Variants in KCNH5 observed in about 807,000 individuals in gnomAD.
KCNH5 encodes voltage-gated delayed rectifier potassium channel KCNH5.
In KCNH5, 46 loss-of-function variants were observed where a neutral mutation model predicts 96.1. The ratio of observed to expected loss-of-function variants is 0.48; its 90% CI spans 0.38 to 0.61. KCNH5 has a LOEUF of 0.61. Among genes scored for constraint, KCNH5 ranks in the 20% least tolerant of loss-of-function variants. KCNH5 has a pLI of 0.00. For synonymous variants in KCNH5, 439 were observed against 449.8 expected (o/e 0.98, Z 0.30); for missense variants, 907 against 1,225.8 (o/e 0.74, Z 3.88).
chr14:62,824,050 A>G (rs894097768), intron 8 of KCNH5, among the ~76,000 whole-genome samples: 3 of 152,124 alleles, frequency 2.0e-5, no homozygotes, highest in South Asian at 4.1e-4. Flanking sequence ...AAACATACAG[A>G]AAAACATCCA....
At chr14:63,012,392 T>C (rs1891245834) in intron 2 of KCNH5, among the ~76,000 whole-genome samples, 1 of 152,146 alleles carries the variant, frequency 6.6e-6, no homozygotes, top group Admixed American at 6.6e-5. Context: ...TCAGATATTT[T>C]CAGATAGGAA....
chr14:62,728,638 T>A (rs1403682752), intron 10 of KCNH5, among the ~76,000 whole-genome samples: 2 of 152,180 alleles, frequency 1.3e-5, no homozygotes, highest in Non-Finnish European at 2.9e-5. Flanking sequence ...GACATTCAAA[T>A]CGTCATTCAT....
intron 8 of KCNH5, among the ~76,000 whole-genome samples, chr14:62,842,196 T>A (rs1486058489): frequency 6.6e-6 from 1 of 152,222 alleles, no homozygotes; most frequent in Admixed American, 6.5e-5. Flanking sequence ...CTAAAAGCCA[T>A]GAAAACTAAT....
At chr14:62,986,233 T>C (rs947170759) in intron 5 of KCNH5, among the ~76,000 whole-genome samples, 1 of 152,206 alleles carries the variant, frequency 6.6e-6, no homozygotes, top group African/African-American at 2.4e-5. Context: ...GTAAAAACTA[T>C]GGACCTCTTC....
intron 10 of KCNH5, among the ~76,000 whole-genome samples, chr14:62,727,771 C>G (rs994366315): frequency 2.2e-5 from 3 of 135,848 alleles, no homozygotes; most frequent in Non-Finnish European, 4.7e-5. Context: ...TGCTTACAGT[C>G]TGGTAAAAAA....
At chr14:62,827,738 G>T (rs551549090) in intron 8 of KCNH5, among the ~76,000 whole-genome samples, 3 of 152,192 alleles carry the variant, frequency 2.0e-5, no homozygotes, top group African/African-American at 7.2e-5. Context: ...CTTTGAAGTT[G>T]ATTACAACAG....
At chr14:62,736,538 C>T (rs938054246) in intron 10 of KCNH5, among the ~76,000 whole-genome samples, 1 of 152,086 alleles carries the variant, frequency 6.6e-6, no homozygotes, top group African/African-American at 2.4e-5. Context: ...CCCAAGATAA[C>T]CTCCCTCCAG....
At chr14:62,751,635 T>C (rs568859322) in intron 10 of KCNH5, among the ~76,000 whole-genome samples, 3 of 152,208 alleles carry the variant, frequency 2.0e-5, no homozygotes, top group African/African-American at 7.2e-5. Flanking sequence ...ACACCCAGAT[T>C]TGGCTTTCCC....
chr14:62,871,518 G>A (rs1888253514), intron 7 of KCNH5, among the ~76,000 whole-genome samples: 1 of 152,140 alleles, frequency 6.6e-6, no homozygotes, highest in Non-Finnish European at 1.5e-5. Flanking sequence ...ACAAGGAAAT[G>A]TCTCATTTAC....
intron 4 of KCNH5, among the ~76,000 whole-genome samples, chr14:62,988,235 T>C (rs934817544): frequency 4.6e-5 from 7 of 152,202 alleles, no homozygotes; most frequent in African/African-American, 1.7e-4. Context: ...AAGCTCCAAT[T>C]CATTAAAAAA....
intron 8 of KCNH5, among the ~76,000 whole-genome samples, chr14:62,808,997 C>T (rs554395945): frequency 2.0e-5 from 3 of 152,140 alleles, no homozygotes; most frequent in South Asian, 2.1e-4. Flanking sequence ...AGAGCTGGAA[C>T]GTTCATGAAT....
chr14:63,004,259 G>A (rs1166668217), intron 3 of KCNH5, among the ~76,000 whole-genome samples: 1 of 152,118 alleles, frequency 6.6e-6, no homozygotes, highest in Non-Finnish European at 1.5e-5. Flanking sequence ...TTTAAAAGCT[G>A]CATTTAAATA....
chr14:62,918,325 G>T (rs796468914), intron 7 of KCNH5, among the ~76,000 whole-genome samples: 6 of 151,900 alleles, frequency 3.9e-5, no homozygotes, highest in African/African-American at 1.2e-4. Context: ...AGTACAGAAG[G>T]CCCCAAAAGC....
At position 62,867,683 on chromosome 14, in the gene KCNH5, A is replaced by G. The variant is rs932028886; in HGVS notation, c.1370-17831T>C. Among the ~76,000 whole-genome samples, 39 of 152,174 alleles carry G rather than the reference A, an allele frequency of 2.6e-4. 1 individual carries two copies. The highest frequency in any genetic ancestry group is 9.2e-4 in the African/African-American group (38 of 41,438). On this transcript the variant is annotated intron_variant, in intron 7 of 10. Coordinates refer to ENST00000322893, the MANE Select transcript of KCNH5 (RefSeq NM_139318.5). ...AAAGTTTCCAGGGGCTCTTATCACA[A>G]GTAGAATAAAACCAAAGGCTGCACA...
intron 7 of KCNH5, among the ~76,000 whole-genome samples, chr14:62,941,422 A>G (rs1889787831): frequency 6.6e-6 from 1 of 152,156 alleles, no homozygotes; most frequent in Admixed American, 6.5e-5. Flanking sequence ...ACTGGACTAC[A>G]CATCTGAGAC....
chr14:62,992,752 C>T (rs951661433), intron 4 of KCNH5, among the ~76,000 whole-genome samples: 3 of 151,954 alleles, frequency 2.0e-5, no homozygotes, highest in Admixed American at 2.0e-4. Flanking sequence ...ATACTTTCTT[C>T]CCTTCTTCAG....
chr14:62,890,511 C>T (rs1007236267), intron 7 of KCNH5, among the ~76,000 whole-genome samples: 8 of 150,162 alleles, frequency 5.3e-5, no homozygotes, highest in African/African-American at 1.5e-4. Flanking sequence ...CCGGCTAACA[C>T]GGTGAAACCC....
At chr14:62,754,839 C>A (rs570726984) in intron 10 of KCNH5, among the ~76,000 whole-genome samples, 6 of 151,406 alleles carry the variant, frequency 4.0e-5, no homozygotes, top group African/African-American at 1.5e-4. Flanking sequence ...TGCTCCACTG[C>A]GCTCCAGCCT....
At chr14:62,780,224 A>G (rs1187045247) in intron 9 of KCNH5, among the ~76,000 whole-genome samples, 1 of 152,186 alleles carries the variant, frequency 6.6e-6, no homozygotes, top group African/African-American at 2.4e-5. Flanking sequence ...AACTTTTCCT[A>G]TTTTGACCAG....
Sources: gnomAD v4.1 joint callset for allele counts (sites outside exome capture counted in the v4.1 genomes callset) on GRCh38, gnomAD v4.1.1 for gene constraint, MANE v1.5 for transcripts, NCBI Gene and HGNC (gene_info 2026-07-23, HGNC 2026-07-21) for gene names.